TIAM2: variants seen among roughly 807,000 people sequenced by gnomAD.
TIAM2 encodes the protein rho guanine nucleotide exchange factor TIAM2.
Under a neutral mutation model 152.9 loss-of-function variants are expected in TIAM2, and 80 were observed. The observed-to-expected ratio is 0.52, with a 90% CI of 0.44 to 0.63. The LOEUF (loss-of-function observed/expected upper bound fraction) is 0.63, where lower values mean the gene tolerates loss of function less well. Among genes scored for constraint, TIAM2 ranks in the 30% least tolerant of loss-of-function variants. TIAM2 has a pLI of 0.00. For missense variants in TIAM2, 1,965 were observed against 2,120.1 expected (o/e 0.93, Z 1.44); for synonymous variants, 804 against 838.0 (o/e 0.96, Z 0.70).
At chr6:155,181,757 G>A (rs779149931) in intron 12 of TIAM2, among the ~76,000 whole-genome samples, 8 of 152,128 alleles carry the variant, frequency 5.3e-5, no homozygotes, top group East Asian at 1.9e-4. Flanking sequence ...AGCTACTCAC[G>A]TAAATAGTAT....
At chr6:155,086,798 A>G (rs1437235686) in intron 1 of TIAM2, among the ~76,000 whole-genome samples, 1 of 152,008 alleles carries the variant, frequency 6.6e-6, no homozygotes, top group East Asian at 1.9e-4. Context: ...TGGCGATATG[A>G]TGGAAAAGCA....
At chr6:155,232,524 T>G (rs994011286) in intron 15 of TIAM2, 2 of 152,256 alleles carry the variant, frequency 1.3e-5, no homozygotes, top group African/African-American at 4.8e-5. Context: ...ATTTTGTATT[T>G]TTTCTAGCAT....
At chr6:155,010,153 G>C (rs1411274094) in intron 1 of TIAM2, among the ~76,000 whole-genome samples, 1 of 152,142 alleles carries the variant, frequency 6.6e-6, no homozygotes, top group Non-Finnish European at 1.5e-5. Context: ...GTATACTCTT[G>C]AAACTGTAGA....
At chr6:155,098,703 C>T (rs1045562934) in intron 2 of TIAM2, among the ~76,000 whole-genome samples, 2 of 152,102 alleles carry the variant, frequency 1.3e-5, no homozygotes, top group South Asian at 2.1e-4. Context: ...CGCCTAATTG[C>T]CCTGGCCAGG....
chr6:155,031,648 C>T (rs370146610), intron 1 of TIAM2, among the ~76,000 whole-genome samples: 6 of 152,196 alleles, frequency 3.9e-5, no homozygotes, highest in East Asian at 1.9e-4. Flanking sequence ...CACCTGAGTC[C>T]GGGAGGAGGA....
intron 5 of TIAM2, among the ~76,000 whole-genome samples, chr6:155,143,170 A>G (rs1219962428): frequency 1.2e-4 from 18 of 152,214 alleles, no homozygotes; most frequent in Admixed American, 1.1e-3. Context: ...AGGTTGCCAC[A>G]TGAGAAGTGG....
chr6:155,045,283 C>T (rs1051049866), intron 1 of TIAM2, among the ~76,000 whole-genome samples: 6 of 152,058 alleles, frequency 3.9e-5, no homozygotes, highest in African/African-American at 1.4e-4. Context: ...AGATTGGTCT[C>T]AAACTCCTGA....
intron 15 of TIAM2, among the ~76,000 whole-genome samples, chr6:155,239,740 G>A (rs955338036): frequency 2.0e-5 from 3 of 152,142 alleles, no homozygotes; most frequent in Admixed American, 6.5e-5. Flanking sequence ...ACATTCCCTA[G>A]GCCTGGCCCT....
At chr6:155,250,307 T>C (rs1335313521) in intron 21 of TIAM2, among the ~76,000 whole-genome samples, 2 of 151,572 alleles carry the variant, frequency 1.3e-5, no homozygotes, top group African/African-American at 4.8e-5. Context: ...TTTTTTTTTT[T>C]TTTAACATCA....
intron 5 of TIAM2, among the ~76,000 whole-genome samples, chr6:155,144,244 G>A (rs1056564091): frequency 6.6e-6 from 1 of 152,160 alleles, no homozygotes; most frequent in Non-Finnish European, 1.5e-5. Context: ...TCAATGGATC[G>A]AGACCAGTCC....
chr6:155,100,338 G>A (rs369181808), intron 2 of TIAM2, among the ~76,000 whole-genome samples: 1 of 152,216 alleles, frequency 6.6e-6, no homozygotes, highest in African/African-American at 2.4e-5. Flanking sequence ...TGTTGAAGAT[G>A]CCGGCTTGGA....
intron 14 of TIAM2, among the ~76,000 whole-genome samples, chr6:155,194,121 T>C (rs11759031): frequency 0.15 from 22,940 of 151,988 alleles, 2,022 homozygotes; most frequent in East Asian, 0.23. Context: ...GGTCTCACCT[T>C]TGTTAACCCC....
intron 1 of TIAM2, among the ~76,000 whole-genome samples, chr6:155,040,069 G>A (rs1776992022): frequency 6.6e-6 from 1 of 152,124 alleles, no homozygotes. Context: ...TGCCTAGACT[G>A]TTACATTATG....
chr6:155,206,648 G>A (rs1781603964), intron 14 of TIAM2, among the ~76,000 whole-genome samples: 2 of 152,152 alleles, frequency 1.3e-5, no homozygotes, highest in Non-Finnish European at 2.9e-5. Context: ...GGAATTAAGG[G>A]TAAATAAATT....
At chr6:155,018,105 G>T (rs1778628948) in intron 1 of TIAM2, among the ~76,000 whole-genome samples, 1 of 152,056 alleles carries the variant, frequency 6.6e-6, no homozygotes, top group African/African-American at 2.4e-5. Context: ...GGGCACAGTG[G>T]CTCACGCCTG....
chr6:155,237,471 G>A (rs1227693048), intron 15 of TIAM2, among the ~76,000 whole-genome samples: 1 of 152,250 alleles, frequency 6.6e-6, no homozygotes, highest in Non-Finnish European at 1.5e-5. Flanking sequence ...ACTAGGCGGT[G>A]CCCCAGTAGG....
chr6:155,160,643 C>G (rs1297616579), intron 7 of TIAM2, among the ~76,000 whole-genome samples: 1 of 152,124 alleles, frequency 6.6e-6, no homozygotes, highest in Non-Finnish European at 1.5e-5. Context: ...GTGGCATGCA[C>G]TTGTGGTCTT....
chr6:155,150,982 G>A (rs1365581533), intron 7 of TIAM2, among the ~76,000 whole-genome samples: 1 of 152,098 alleles, frequency 6.6e-6, no homozygotes, highest in African/African-American at 2.4e-5. Flanking sequence ...CCCCATTCAC[G>A]CTACACACAA....
At chr6:155,171,109 A>G (rs1478220450) in intron 9 of TIAM2, among the ~76,000 whole-genome samples, 2 of 152,186 alleles carry the variant, frequency 1.3e-5, no homozygotes, top group African/African-American at 4.8e-5. Flanking sequence ...CATTACGCCC[A>G]TTTCTATAAC....
Sources: allele counts gnomAD v4.1 joint callset (sites outside exome capture counted in the v4.1 genomes callset), GRCh38; gene constraint gnomAD v4.1.1; transcripts MANE v1.5; gene names NCBI Gene and HGNC (gene_info 2026-07-23, HGNC 2026-07-21).